Variants in ACYP2 observed in about 807,000 individuals in gnomAD.
ACYP2 encodes the protein acylphosphatase 2, also known as acylphosphatase-2.
ACYP2 carries 12 observed loss-of-function variants against 11.2 expected under a neutral mutation model. That is an observed-to-expected ratio of 1.08 (90% CI 0.69 to 1.74). ACYP2 has a LOEUF of 1.74. Ranked by LOEUF, ACYP2 falls within the 40% of genes most tolerant of loss-of-function variation. The pLI is 0.00. For missense variants in ACYP2, 134 were observed against 101.9 expected, an observed-to-expected ratio of 1.31 and a Z score of -1.35; for synonymous variants, 43 against 32.2, an observed-to-expected ratio of 1.33 and a Z score of -1.13.
intron 4 of ACYP2, among the ~76,000 whole-genome samples, chr2:54,087,126 T>C (rs1677986197): frequency 6.6e-6 from 1 of 152,240 alleles, no homozygotes; most frequent in African/African-American, 2.4e-5. Flanking sequence ...ATAGGCCAGT[T>C]AGAGTTTAAG....
Position 54,039,819 on chromosome 2 carries a change from T to TTGTGTGTGTGTGTG in ACYP2, c.63-11101_63-11088dup, listed in dbSNP as rs751604890. Among the ~76,000 whole-genome samples the TTGTGTGTGTGTGTG allele has an allele frequency of 1.5e-3, 186 of 126,684 alleles. 6 individuals carry two copies. Among genetic ancestry groups the TTGTGTGTGTGTGTG allele is most frequent in the Admixed American group, 2.0e-3 (24 of 11,990 alleles). The allele number at this position is 126,684 out of a possible 152,430, so 83.1% of individuals were successfully genotyped here. ...TTCTGTGTTTTATATTTGTTTTCTT[T>TTGTGTGTGTGTGTG]TGTGTGTGTGTGTGTGTGTGTGTGT... On this transcript the variant is annotated intron_variant, in intron 2 of 6. Coordinates refer to ENST00000607452, the MANE Select transcript of ACYP2 (RefSeq NM_001320586.2).
chr2:54,176,348 T>C (rs137862347), intron 6 of ACYP2, among the ~76,000 whole-genome samples: 1 of 152,276 alleles, frequency 6.6e-6, no homozygotes, highest in Non-Finnish European at 1.5e-5. Context: ...GGAGCAGCCA[T>C]CTTGAACTGT....
intron 6 of ACYP2, among the ~76,000 whole-genome samples, chr2:54,162,798 C>T (rs972915573): frequency 2.6e-5 from 4 of 151,992 alleles, no homozygotes; most frequent in Non-Finnish European, 5.9e-5. Flanking sequence ...AGATGCCCAT[C>T]TCAACAACAA....
At chr2:54,116,584 A>C (rs1043378937) in intron 4 of ACYP2, among the ~76,000 whole-genome samples, 9 of 149,912 alleles carry the variant, frequency 6.0e-5, no homozygotes, top group African/African-American at 2.2e-4. Flanking sequence ...GAATAAGTGT[A>C]ATGCTTTTTC....
intron 6 of ACYP2, among the ~76,000 whole-genome samples, chr2:54,221,092 G>A (rs1354687941): frequency 6.6e-6 from 1 of 152,132 alleles, no homozygotes; most frequent in African/African-American, 2.4e-5. Flanking sequence ...TTTGTTATGA[G>A]AAGAGCTTTC....
intron 4 of ACYP2, chr2:54,123,420 A>G (rs533170636): frequency 1.3e-4 from 50 of 398,608 alleles, no homozygotes; most frequent in African/African-American, 8.8e-4. Flanking sequence ...GGTAGGAAGG[A>G]CTACATCATA....
intron 6 of ACYP2, among the ~76,000 whole-genome samples, chr2:54,251,124 T>A (rs1369644452): frequency 2.6e-5 from 4 of 152,202 alleles, no homozygotes; most frequent in Non-Finnish European, 5.9e-5. Flanking sequence ...TGAAAAACTG[T>A]GATAAAGGTC....
rs541526677 is a variant in ACYP2 at position 54,189,068 on chromosome 2, T to G, written c.404+50320T>G. 2.3e-3 allele frequency among the ~76,000 whole-genome samples: 346 copies of G among 152,332 alleles called. 4 individuals carry two copies. Among genetic ancestry groups the G allele is most frequent in the African/African-American group, 7.7e-3 (322 of 41,576 alleles). On this transcript the variant is annotated intron_variant, in intron 6 of 6. Coordinates refer to ENST00000607452, the MANE Select transcript of ACYP2 (RefSeq NM_001320586.2). ...TAAACCAAATTTTATTTTATATGTT[T>G]AAAATACACAACATGATGTTCTAAG...
At chr2:54,082,303 T>G (rs945213809) in intron 4 of ACYP2, among the ~76,000 whole-genome samples, 2 of 151,848 alleles carry the variant, frequency 1.3e-5, no homozygotes, top group Non-Finnish European at 2.9e-5. Flanking sequence ...TGGAGTGCAG[T>G]GGTGTGGTCT....
chr2:54,257,025 G>T (rs1206547918), intron 6 of ACYP2, among the ~76,000 whole-genome samples: 1 of 152,060 alleles, frequency 6.6e-6, no homozygotes, highest in African/African-American at 2.4e-5. Flanking sequence ...ATCTTAATAT[G>T]TGCCAATTTG....
intron 6 of ACYP2, among the ~76,000 whole-genome samples, chr2:54,226,213 A>G (rs1686004818): frequency 6.6e-6 from 1 of 152,204 alleles, no homozygotes; most frequent in Non-Finnish European, 1.5e-5. Flanking sequence ...AGGTGGAGGC[A>G]ATCCCATATT....
At chr2:54,139,390 A>T (rs539598288) in intron 6 of ACYP2, among the ~76,000 whole-genome samples, 1 of 152,314 alleles carries the variant, frequency 6.6e-6, no homozygotes, top group South Asian at 2.1e-4. Flanking sequence ...CTGGAGGGTT[A>T]CCAAACTATG....
At chr2:54,063,158 C>G (rs901851443) in intron 4 of ACYP2, among the ~76,000 whole-genome samples, 5 of 151,846 alleles carry the variant, frequency 3.3e-5, no homozygotes, top group African/African-American at 1.2e-4. Flanking sequence ...TATTTATTCT[C>G]TTTAAAAAAT....
At chr2:54,151,074 G>A (rs1348404252) in intron 6 of ACYP2, among the ~76,000 whole-genome samples, 2 of 152,122 alleles carry the variant, frequency 1.3e-5, no homozygotes, top group East Asian at 1.9e-4. Context: ...TGATGATTGC[G>A]CATGTACTTA....
At position 53,977,370 on chromosome 2, in the gene ACYP2, A is replaced by G. The variant is rs1671546929; in HGVS notation, c.62+3560A>G. Among the ~76,000 whole-genome samples, 3 of 151,944 alleles carry G rather than the reference A, an allele frequency of 2.0e-5. No individual in the cohort carries two copies. The South Asian group carries it at 6.2e-4, about 32-fold the overall frequency. On this transcript the variant is annotated intron_variant, in intron 2 of 6. Coordinates refer to ENST00000607452, the MANE Select transcript of ACYP2 (RefSeq NM_001320586.2). Reference sequence around the variant, plus strand: ...AGGCCTGGGAATTTAACCTGTGGAGAGTTCTGTTTTTATGCAGTATTTTAC... The same window carrying G: ...AGGCCTGGGAATTTAACCTGTGGAGGGTTCTGTTTTTATGCAGTATTTTAC...
At position 54,267,264 on chromosome 2, in the gene ACYP2, A is replaced by G. The variant is rs556800663; in HGVS notation, c.405-37424A>G. On this transcript the variant is annotated intron_variant, in intron 6 of 6. Transcript: ENST00000607452. ...CAATAAAAACATTATTATGTCTGAA[A>G]GGAAATTCAGAATTTCCATTTGACT... 52 of 1,545,506 alleles carry G rather than the reference A, an allele frequency of 3.4e-5. 1 individual carries two copies. In the South Asian group the frequency reaches 6.2e-4, roughly 18 times the overall value.
chr2:54,243,019 T>A (rs574551431), intron 6 of ACYP2, among the ~76,000 whole-genome samples: 3 of 152,358 alleles, frequency 2.0e-5, no homozygotes, highest in East Asian at 3.9e-4. Flanking sequence ...TTGCTTAATA[T>A]GAATTTGTGG....
At chr2:54,152,224 A>G (rs11125523) in intron 6 of ACYP2, among the ~76,000 whole-genome samples, 1 of 150,834 alleles carries the variant, frequency 6.6e-6, no homozygotes, top group East Asian at 1.9e-4. Context: ...CTCAAGTGAT[A>G]CTCCTGCCTC....
At position 54,210,021 on chromosome 2, in the gene ACYP2, A is replaced by C. The variant is rs137926728; in HGVS notation, c.404+71273A>C. Among the ~76,000 whole-genome samples, 837 of 151,816 alleles carry C rather than the reference A, an allele frequency of 5.5e-3. 11 individuals carry two copies. The highest frequency in any genetic ancestry group is 0.019 in the African/African-American group (779 of 41,384). On this transcript the variant is annotated intron_variant, in intron 6 of 6. Coordinates refer to ENST00000607452, the MANE Select transcript of ACYP2 (RefSeq NM_001320586.2). ...CTGGGCATGGTGGCGGGCACTTGTAATCCCAGATATTCCGGAGGCTGAGGC... is the reference window on the plus strand; with the variant it reads ...CTGGGCATGGTGGCGGGCACTTGTACTCCCAGATATTCCGGAGGCTGAGGC...
Sources: gnomAD v4.1 joint callset for allele counts (sites outside exome capture counted in the v4.1 genomes callset) on GRCh38, gnomAD v4.1.1 for gene constraint, MANE v1.5 for transcripts, NCBI Gene and HGNC (gene_info 2026-07-23, HGNC 2026-07-21) for gene names.